ST3GAL2: variants seen among roughly 807,000 people sequenced by gnomAD.
ST3GAL2 encodes ST3 beta-galactoside alpha-2,3-sialyltransferase 2.
A neutral mutation model predicts 37.5 loss-of-function variants in ST3GAL2; 16 were observed. The ratio of observed to expected loss-of-function variants is 0.43; its 90% CI spans 0.29 to 0.65. The LOEUF is 0.65. Ranked by LOEUF, ST3GAL2 falls within the 30% of genes least tolerant of loss-of-function variation. The probability of loss-of-function intolerance (pLI) is 0.17; values close to 1 mark genes in which losing one functional copy is unlikely to be tolerated. For missense variants in ST3GAL2, 383 were observed against 487.8 expected, an observed-to-expected ratio of 0.79 and a Z score of 2.02; for synonymous variants, 238 against 202.9, an observed-to-expected ratio of 1.17 and a Z score of -1.47.
At chr16:70,434,521 G>C (rs1027823056) in intron 1 of ST3GAL2, among the ~76,000 whole-genome samples, 1 of 152,168 alleles carries the variant, frequency 6.6e-6, no homozygotes, top group Non-Finnish European at 1.5e-5. Context: ...CAAGGAGCAG[G>C]AACTAAGAGC....
chr16:70,387,925 A>T (rs2047453710), intron 4 of ST3GAL2, among the ~76,000 whole-genome samples: 1 of 151,486 alleles, frequency 6.6e-6, no homozygotes, highest in African/African-American at 2.4e-5. Context: ...GATCAGCCTG[A>T]CCAACATGAA....
intron 1 of ST3GAL2, among the ~76,000 whole-genome samples, chr16:70,428,844 T>G (rs2047769109): frequency 6.6e-6 from 1 of 152,188 alleles, no homozygotes. Flanking sequence ...CAGATCAGTC[T>G]GATTCCACCT....
At position 70,380,615 on chromosome 16, in the gene ST3GAL2, C is replaced by T. The variant is rs1377833802; in HGVS notation, c.*1074G>A. The T allele has an allele frequency of 6.6e-6, 1 of 152,404 alleles. No individual in the cohort carries two copies. The highest frequency in any genetic ancestry group is 1.5e-5 in the Non-Finnish European group (1 of 68,174). 9.4% of individuals were successfully genotyped at this position (152,404 alleles called of 1,614,324 possible). ...TGCGGCGCGCAAGTCTCCTCTTCCC[C>T]GGCCGGCTCCCGGCTGCGAGCTCTG... On this transcript the variant is annotated 3_prime_UTR_variant, in exon 7 of 7. Coordinates refer to ENST00000342907, the MANE Select transcript of ST3GAL2 (RefSeq NM_006927.4).
intron 1 of ST3GAL2, among the ~76,000 whole-genome samples, chr16:70,413,560 CAAAA>C (rs978301918): frequency 6.2e-5 from 2 of 32,084 alleles, no homozygotes; most frequent in East Asian, 1.5e-3. Flanking sequence ...ATCAAAAATA[CAAAA>C]AAAAAAAAAA....
chr16:70,421,566 G>GAGCT (rs2047714857), intron 1 of ST3GAL2, among the ~76,000 whole-genome samples: 1 of 152,236 alleles, frequency 6.6e-6, no homozygotes, highest in African/African-American at 2.4e-5. Context: ...GGACCCCAGG[G>GAGCT]AGCTGTCTTT....
chr16:70,420,475 C>T (rs560504567), intron 1 of ST3GAL2, among the ~76,000 whole-genome samples: 59 of 152,228 alleles, frequency 3.9e-4, no homozygotes, highest in East Asian at 1.9e-4. Flanking sequence ...GTCAAGTAGT[C>T]TGGAGAGGAT....
At chr16:70,408,795 A>G (rs907656640) in intron 1 of ST3GAL2, among the ~76,000 whole-genome samples, 1 of 146,058 alleles carries the variant, frequency 6.8e-6, no homozygotes, top group Non-Finnish European at 1.5e-5. Flanking sequence ...TTGGCTTTCA[A>G]TGAAGTCCTA....
chr16:70,400,180 T>A (rs1245032557), intron 1 of ST3GAL2: 1 of 152,272 alleles, frequency 6.6e-6, no homozygotes, highest in Non-Finnish European at 1.5e-5. Context: ...ATGGACAAAG[T>A]GAATGCCAGC....
At chr16:70,438,480 G>A (rs1396851149) in intron 1 of ST3GAL2, among the ~76,000 whole-genome samples, 1 of 152,184 alleles carries the variant, frequency 6.6e-6, no homozygotes, top group Non-Finnish European at 1.5e-5. Context: ...GCCAGGTAGG[G>A]GAAAGATCAC....
intron 4 of ST3GAL2, among the ~76,000 whole-genome samples, chr16:70,383,879 G>A (rs2047423680): frequency 6.6e-6 from 1 of 151,290 alleles, no homozygotes; most frequent in Admixed American, 6.6e-5. Context: ...AAGCGATGGG[G>A]CCTTCCCTAG....
At chr16:70,401,295 G>A (rs575847542) in intron 1 of ST3GAL2, among the ~76,000 whole-genome samples, 1 of 152,212 alleles carries the variant, frequency 6.6e-6, no homozygotes, top group Non-Finnish European at 1.5e-5. Context: ...AACTCCTTGG[G>A]ATTCTAGATC....
At chr16:70,413,779 T>C (rs1186791693) in intron 1 of ST3GAL2, among the ~76,000 whole-genome samples, 1 of 141,606 alleles carries the variant, frequency 7.1e-6, no homozygotes, top group East Asian at 2.1e-4. Flanking sequence ...AATAAATAAA[T>C]AAATAAATAA....
chr16:70,417,490 C>T (rs1264787596), intron 1 of ST3GAL2, among the ~76,000 whole-genome samples: 1 of 152,262 alleles, frequency 6.6e-6, no homozygotes, highest in Non-Finnish European at 1.5e-5. Context: ...TCCCCAGCCC[C>T]CACTTTAGCA....
chr16:70,391,199 C>T lies in ST3GAL2; in HGVS notation c.534-2653G>A, dbSNP rs529826547. ...TGTGCTGTCCAGGATCACTGTGCCC[C>T]CTACCTCTCATTTTCCCTTCCCTTG... is the stretch of plus-strand genomic sequence containing the variant. On this transcript the variant is annotated intron_variant, in intron 3 of 6. Transcript: ENST00000342907. Among the ~76,000 whole-genome samples, 6 of 152,270 alleles carry T rather than the reference C, an allele frequency of 3.9e-5. No homozygotes were observed. The East Asian group carries it at 1.2e-3, about 29-fold the overall frequency.
At chr16:70,383,042 T>A in intron 5 of ST3GAL2, 118 bp from the exon 6 acceptor site, 1 of 1,584,812 alleles carries the variant, frequency 6.3e-7, no homozygotes, top group African/African-American at 1.3e-5. Context: ...GTCTCCTGAA[T>A]CGTGTGGCAC....
intron 1 of ST3GAL2, among the ~76,000 whole-genome samples, chr16:70,437,955 C>T (rs113163337): frequency 1.3e-5 from 2 of 152,206 alleles, no homozygotes; most frequent in African/African-American, 4.8e-5. Flanking sequence ...AAAGAGGCCC[C>T]AGGTCCCTGC....
At chr16:70,388,884 C>T (rs912861897) in intron 3 of ST3GAL2, among the ~76,000 whole-genome samples, 29 of 148,282 alleles carry the variant, frequency 2.0e-4, no homozygotes, top group South Asian at 1.1e-3. Flanking sequence ...GCCAACATGG[C>T]AAAACCCCAT....
At position 70,398,937 on chromosome 16, in the gene ST3GAL2, G is replaced by A. The variant is rs1413866777; in HGVS notation, c.-407C>T. 1 of 434,468 alleles carries A rather than the reference G, an allele frequency of 2.3e-6. No individual in the cohort carries two copies. The highest frequency in any genetic ancestry group is 4.0e-6 in the Non-Finnish European group (1 of 247,382). The allele number at this position is 434,468 out of a possible 1,614,324, so 26.9% of individuals were successfully genotyped here. ...AAATAATCCAGTCTGGAGCAGTCGG[G>A]GTCCTTGTGGTTCATGAGCAGACAA... On this transcript the variant is annotated 5_prime_UTR_variant, in exon 2 of 7. Coordinates refer to ENST00000342907, the MANE Select transcript of ST3GAL2 (RefSeq NM_006927.4).
chr16:70,415,781 T>C (rs1409948966), intron 1 of ST3GAL2, among the ~76,000 whole-genome samples: 1 of 137,698 alleles, frequency 7.3e-6, no homozygotes, highest in African/African-American at 3.1e-5. Flanking sequence ...TTTTTTTTTT[T>C]TCTTTTCTGA....
Sources: gnomAD v4.1 joint callset for allele counts (sites outside exome capture counted in the v4.1 genomes callset) on GRCh38, gnomAD v4.1.1 for gene constraint, MANE v1.5 for transcripts, NCBI Gene and HGNC (gene_info 2026-07-23, HGNC 2026-07-21) for gene names.